PIP5K1B: variants seen among roughly 807,000 people sequenced by gnomAD.
PIP5K1B encodes phosphatidylinositol 4-phosphate 5-kinase type-1 beta.
PIP5K1B carries 42 observed loss-of-function variants against 67.0 expected under a neutral mutation model. The ratio of observed to expected loss-of-function variants is 0.63; its 90% CI spans 0.49 to 0.81. The LOEUF is 0.81. Among genes scored for constraint, PIP5K1B ranks in the 30% least tolerant of loss-of-function variants. The pLI is 0.00. For synonymous variants in PIP5K1B, 214 were observed against 231.4 expected, an observed-to-expected ratio of 0.92 and a Z score of 0.68; for missense variants, 459 against 646.3, an observed-to-expected ratio of 0.71 and a Z score of 3.14.
chr9:68,899,464 T>TA (rs11404163), intron 8 of PIP5K1B, among the ~76,000 whole-genome samples: 113,832 of 152,036 alleles, frequency 0.75, 42,853 homozygotes, highest in East Asian at 0.98. Flanking sequence ...TCTAATGATT[T>TA]AAAAAAAGAG....
rs192809064 is a variant in PIP5K1B at position 68,964,751 on chromosome 9, G to A, written c.1502+23961G>A. Among the ~76,000 whole-genome samples the A allele has an allele frequency of 5.0e-3, 767 of 152,340 alleles. 3 individuals carry two copies. The highest frequency in any genetic ancestry group is 8.1e-3 in the Non-Finnish European group (554 of 68,018). On this transcript the variant is annotated intron_variant, in intron 14 of 15. Coordinates refer to ENST00000265382, the MANE Select transcript of PIP5K1B (RefSeq NM_003558.4). ...TGAGCAGCCATCTGGGAAGACTACC[G>A]TAGAGGGGAGAGAAATAGCACAGAG...
At chr9:68,894,219 A>T in intron 7 of PIP5K1B, 120 bp from the exon 8 acceptor site, 1 of 694,380 alleles carries the variant, frequency 1.4e-6, no homozygotes, top group Non-Finnish European at 2.4e-6. Flanking sequence ...AATGAACATT[A>T]ATAAAGATAA....
At position 68,830,441 on chromosome 9, in the gene PIP5K1B, A is replaced by AG. The variant is rs1834249900; in HGVS notation, c.69+7758_69+7759insG. 2.2e-4 allele frequency among the ~76,000 whole-genome samples: 4 copies of AG among 18,164 alleles called. 1 individual carries two copies. The highest frequency in any genetic ancestry group is 3.7e-4 in the African/African-American group (4 of 10,826). 11.9% of individuals were successfully genotyped at this position (18,164 alleles called of 152,430 possible). On this transcript the variant is annotated intron_variant, in intron 4 of 15. Transcript: ENST00000265382. Reference sequence around the variant, plus strand: ...TCAGATTAAAACAGCTGAGCGAGCCAACCCTCTCATTATTAGCCTGTTGCC... The same window carrying AG: ...TCAGATTAAAACAGCTGAGCGAGCCAGACCCTCTCATTATTAGCCTGTTGCC...
In PIP5K1B at chr9:68,809,571, CTCGGGCTACTT is replaced by C. The variant is rs1833049583; in HGVS notation, c.-85-8889_-85-8879del. On this transcript the variant is annotated intron_variant, in intron 2 of 15. Transcript: ENST00000265382. Reference sequence around the variant, plus strand: ...TAACCCTTTAGGTAACATCCTAAACCTCGGGCTACTTGCGGGCAAATTGTTAAAATGCAGGA... The same window carrying C: ...TAACCCTTTAGGTAACATCCTAAACCGCGGGCAAATTGTTAAAATGCAGGA... Among the ~76,000 whole-genome samples the C allele has an allele frequency of 2.6e-5, 4 of 152,206 alleles. No individual in the cohort carries two copies. In the South Asian group the frequency reaches 8.3e-4, roughly 32 times the overall value.
chr9:68,947,408 T>A (rs1296883230), intron 14 of PIP5K1B, among the ~76,000 whole-genome samples: 1 of 152,202 alleles, frequency 6.6e-6, no homozygotes, highest in Non-Finnish European at 1.5e-5. Flanking sequence ...AGCCAGCAGC[T>A]TCTGTCCTCC....
In PIP5K1B at chr9:68,876,695, C is replaced by A; in HGVS notation, c.219C>A (p.Thr73=). The A allele has an allele frequency of 6.3e-7, 1 of 1,594,584 alleles. No homozygotes were observed. The highest frequency in any genetic ancestry group is 8.6e-7 in the Non-Finnish European group (1 of 1,162,220). The change falls in exon 6 of 16, where the codon ACC becomes ACA. Residue 73 remains threonine (T), a synonymous_variant. Transcript: ENST00000265382. ...ACTTCAGCGAAGGGAGCAATCTGAC[C>A]CCAGCACATCACTACCCAGACTTTA... ...VFLPSEGSNL[T]PAHHYPDFRF...
chr9:68,990,523 G>A (rs1830313226), intron 14 of PIP5K1B, among the ~76,000 whole-genome samples: 1 of 151,202 alleles, frequency 6.6e-6, no homozygotes, highest in African/African-American at 2.4e-5. Flanking sequence ...ATCATTCAAA[G>A]TCAAAGATAA....
intron 14 of PIP5K1B, among the ~76,000 whole-genome samples, chr9:68,975,170 G>C (rs2132853022): frequency 6.6e-6 from 1 of 152,312 alleles, no homozygotes; most frequent in East Asian, 1.9e-4. Context: ...GTGAACTCAA[G>C]CAGCCCTCCC....
chr9:68,889,666 C>T (rs1476260440), intron 7 of PIP5K1B, among the ~76,000 whole-genome samples: 1 of 144,762 alleles, frequency 6.9e-6, no homozygotes, highest in African/African-American at 2.6e-5. Context: ...ACCCGGGAGG[C>T]GGAGCTTGCA....
chr9:68,780,009 C>A, intron 2 of PIP5K1B: 1 of 987,432 alleles, frequency 1.0e-6, no homozygotes, highest in Non-Finnish European at 1.4e-6. Context: ...CGAGTACGGA[C>A]ATCGCGAGCG....
Position 68,917,197 on chromosome 9 carries a change from T to C in PIP5K1B, c.772-351T>C, listed in dbSNP as rs147212333. ...TCATCTGTAAAATAGACAATAGTAG[T>C]ACCTAGCTTATAGAGTTGTTGAGAT... On this transcript the variant is annotated intron_variant, in intron 8 of 15. Transcript: ENST00000265382. Among the ~76,000 whole-genome samples the C allele has an allele frequency of 5.3e-3, 810 of 152,308 alleles. 6 individuals carry two copies. Among genetic ancestry groups the C allele is most frequent in the African/African-American group, 0.018 (746 of 41,564 alleles).
chr9:68,857,959 T>TTTTTTGTTGTTGTTG (rs111803123), intron 4 of PIP5K1B, among the ~76,000 whole-genome samples: 2 of 149,306 alleles, frequency 1.3e-5, no homozygotes, highest in African/African-American at 2.5e-5. Context: ...CTCTTGCTGT[T>TTTTTTGTTGTTGTTG]TTGTTGTTGT....
intron 14 of PIP5K1B, among the ~76,000 whole-genome samples, chr9:68,989,060 A>C (rs552434812): frequency 8.3e-6 from 1 of 119,940 alleles, no homozygotes; most frequent in African/African-American, 3.3e-5. Context: ...GTGCCATTGC[A>C]CTCCAGCCTG....
chr9:68,780,766 C>T, intron 2 of PIP5K1B: 1 of 1,614,196 alleles, frequency 6.2e-7, no homozygotes, highest in Non-Finnish European at 8.5e-7. Context: ...GTTCTTGGAC[C>T]ATTGAAAAGA....
chr9:68,756,844 T>C (rs1829951459), intron 2 of PIP5K1B, among the ~76,000 whole-genome samples: 1 of 152,166 alleles, frequency 6.6e-6, no homozygotes, highest in Admixed American at 6.5e-5. Flanking sequence ...GAGAAACAAG[T>C]AAAACTAATC....
chr9:68,983,331 G>T (rs1829967450), intron 14 of PIP5K1B, among the ~76,000 whole-genome samples: 1 of 152,152 alleles, frequency 6.6e-6, no homozygotes, highest in African/African-American at 2.4e-5. Flanking sequence ...AGGGACACTT[G>T]GGAGGGCTTG....
At chr9:68,890,367 T>G (rs189351271) in intron 7 of PIP5K1B, among the ~76,000 whole-genome samples, 1 of 152,330 alleles carries the variant, frequency 6.6e-6, no homozygotes, top group Admixed American at 6.5e-5. Context: ...TTGATAACAG[T>G]TCTTAATTTT....
chr9:68,933,817 A>G (rs901595890), intron 12 of PIP5K1B, among the ~76,000 whole-genome samples: 8 of 152,088 alleles, frequency 5.3e-5, no homozygotes, highest in Admixed American at 2.0e-4. Context: ...AAGTGGAGAG[A>G]TTGTCCTCCA....
intron 4 of PIP5K1B, among the ~76,000 whole-genome samples, chr9:68,826,093 T>A (rs1418103336): frequency 1.3e-5 from 2 of 152,218 alleles, no homozygotes; most frequent in African/African-American, 4.8e-5. Context: ...GTTAATAATG[T>A]CTTCAGCTAA....
Sources: gnomAD v4.1 joint callset for allele counts (sites outside exome capture counted in the v4.1 genomes callset) on GRCh38, gnomAD v4.1.1 for gene constraint, MANE v1.5 for transcripts, NCBI Gene and HGNC (gene_info 2026-07-23, HGNC 2026-07-21) for gene names.